The following GRIA2 variants were observed in gnomAD, a reference collection of about 807,000 sequenced individuals.
GRIA2 encodes glutamate ionotropic receptor AMPA type subunit 2.
Under a neutral mutation model 97.3 loss-of-function variants are expected in GRIA2, and 14 were observed. That is an observed-to-expected ratio of 0.14 (90% CI 0.10 to 0.23). The LOEUF is 0.23. Ranked by LOEUF, GRIA2 falls within the 10% of genes least tolerant of loss-of-function variation. The pLI is 1.00. For missense variants in GRIA2, 558 were observed against 1,069.8 expected (o/e 0.52, Z 6.67); for synonymous variants, 412 against 387.8 (o/e 1.06, Z -0.73).
chr4:157,257,781 T>A (rs1731344373), intron 2 of GRIA2, among the ~76,000 whole-genome samples: 1 of 152,126 alleles, frequency 6.6e-6, no homozygotes, highest in Non-Finnish European at 1.5e-5. Context: ...GCCTCAGTAT[T>A]ACTGATTCTT....
chr4:157,354,755 A>C (rs1386123883), intron 12 of GRIA2, among the ~76,000 whole-genome samples: 1 of 152,166 alleles, frequency 6.6e-6, no homozygotes, highest in Non-Finnish European at 1.5e-5. Context: ...TGAGAGGGGA[A>C]AAGAATGCTC....
intron 2 of GRIA2, among the ~76,000 whole-genome samples, chr4:157,295,472 G>A (rs1431062090): frequency 6.6e-6 from 1 of 152,062 alleles, no homozygotes; most frequent in Non-Finnish European, 1.5e-5. Flanking sequence ...GAATCACTTG[G>A]TGTTTCATTC....
intron 2 of GRIA2, among the ~76,000 whole-genome samples, chr4:157,244,871 C>G (rs1269532736): frequency 6.6e-6 from 1 of 151,940 alleles, no homozygotes; most frequent in African/African-American, 2.4e-5. Flanking sequence ...AGGAATGAGG[C>G]CTTCCTGTAG....
At chr4:157,321,750 C>A (rs779332881) in intron 6 of GRIA2, 151 bp downstream of exon 6, 2 of 552,510 alleles carry the variant, frequency 3.6e-6, no homozygotes, top group South Asian at 2.6e-5. Context: ...ATATTTTTCA[C>A]ATTTTTATGG....
At position 157,222,796 on chromosome 4, in the gene GRIA2, A is replaced by C. The variant is rs1729564165; in HGVS notation, c.229+989A>C. Among the ~76,000 whole-genome samples, 3 of 152,310 alleles carry C rather than the reference A, an allele frequency of 2.0e-5. No individual in the cohort carries two copies. In the South Asian group the frequency reaches 6.2e-4, roughly 32 times the overall value. ...GAAGCTCTGTGATGGGTTCAGATAAAGTACTAGAAACCAAACAATTAGGGA... is the reference window on the plus strand; with the variant it reads ...GAAGCTCTGTGATGGGTTCAGATAACGTACTAGAAACCAAACAATTAGGGA... On this transcript the variant is annotated intron_variant, in intron 2 of 15. Transcript: ENST00000264426.
chr4:157,263,242 C>T (rs998933040), intron 2 of GRIA2, among the ~76,000 whole-genome samples: 3 of 151,946 alleles, frequency 2.0e-5, no homozygotes, highest in African/African-American at 7.2e-5. Context: ...GTTTTCTTTT[C>T]TCATTCCCTG....
chr4:157,363,363 T>C, intron 15 of GRIA2, 72 bp from the exon 16 acceptor site: 1 of 1,039,986 alleles, frequency 9.6e-7, no homozygotes, highest in Non-Finnish European at 1.2e-6. Context: ...CAACCCTGCC[T>C]TTCCTCTGGA....
At chr4:157,241,337 A>G (rs1423181188) in intron 2 of GRIA2, among the ~76,000 whole-genome samples, 10 of 152,066 alleles carry the variant, frequency 6.6e-5, no homozygotes, top group Admixed American at 6.6e-4. Context: ...GGCAGCTTTC[A>G]GGATTTTATC....
intron 6 of GRIA2, among the ~76,000 whole-genome samples, chr4:157,331,473 A>G (rs1374322889): frequency 6.6e-6 from 1 of 152,028 alleles, no homozygotes; most frequent in Non-Finnish European, 1.5e-5. Flanking sequence ...TTTCTTTTTC[A>G]GAGACCTAGA....
At position 157,233,681 on chromosome 4, in the gene GRIA2, C is replaced by A. The variant is rs1730121366; in HGVS notation, c.229+11874C>A. On this transcript the variant is annotated intron_variant, in intron 2 of 15. Coordinates refer to ENST00000264426, the MANE Select transcript of GRIA2 (RefSeq NM_001083619.3). ...AAACGTTCCCAGTATTTATTTCCTC[C>A]CTTTATATCAGCCCTTTACTGATAT... Among the ~76,000 whole-genome samples the A allele has an allele frequency of 2.0e-5, 3 of 152,170 alleles. No individual in the cohort carries two copies. The South Asian group carries it at 6.2e-4, about 32-fold the overall frequency.
intron 2 of GRIA2, among the ~76,000 whole-genome samples, chr4:157,277,814 CTATATATATATGTATATATG>C (rs1431855162): frequency 2.6e-4 from 23 of 89,532 alleles, no homozygotes; most frequent in East Asian, 7.5e-4. Flanking sequence ...AATATGTATG[CTATATATATATGTATATATG>C]TATATATATA....
intron 2 of GRIA2, among the ~76,000 whole-genome samples, chr4:157,255,768 C>T (rs1346493736): frequency 6.6e-6 from 1 of 151,834 alleles, no homozygotes; most frequent in Admixed American, 6.6e-5. Flanking sequence ...GGGACTCAAA[C>T]AACTCAACAA....
intron 2 of GRIA2, among the ~76,000 whole-genome samples, chr4:157,224,647 A>G (rs1437515170): frequency 6.6e-6 from 1 of 152,144 alleles, no homozygotes; most frequent in Admixed American, 6.5e-5. Flanking sequence ...CTACAATCAC[A>G]AAGTCAAGAA....
intron 12 of GRIA2, chr4:157,342,265 G>A (rs1241138893): frequency 2.7e-5 from 27 of 982,854 alleles, no homozygotes; most frequent in African/African-American, 1.6e-4. Flanking sequence ...AGCTTATTCC[G>A]GAATTAGGAT....
chr4:157,330,786 T>C (rs973600772), intron 6 of GRIA2, among the ~76,000 whole-genome samples: 6 of 151,994 alleles, frequency 3.9e-5, no homozygotes, highest in Non-Finnish European at 8.8e-5. Flanking sequence ...ATGACGTGAT[T>C]GTGATATAGC....
intron 2 of GRIA2, among the ~76,000 whole-genome samples, chr4:157,251,057 A>G (rs1211787839): frequency 6.6e-6 from 1 of 152,070 alleles, no homozygotes; most frequent in South Asian, 2.1e-4. Context: ...TTAATTACCT[A>G]AATTGCTTGG....
At position 157,351,543 on chromosome 4, in the gene GRIA2, A is replaced by C. The variant is rs1335552436; in HGVS notation, c.2044-8353A>C. On this transcript the variant is annotated intron_variant, in intron 12 of 15. Transcript: ENST00000264426. ...TTTAAAGTCATTGTTTTTTAAGCATAAAAATTACCAAAAAGATATGATTCT... is the reference window on the plus strand; with the variant it reads ...TTTAAAGTCATTGTTTTTTAAGCATCAAAATTACCAAAAAGATATGATTCT... Among the ~76,000 whole-genome samples, 4 of 152,216 alleles carry C rather than the reference A, an allele frequency of 2.6e-5. No homozygotes were observed. In the East Asian group the frequency reaches 7.7e-4, roughly 29 times the overall value.
rs868612010 is a variant in GRIA2 at position 157,300,789 on chromosome 4, A to C, written c.230-2763A>C. On this transcript the variant is annotated intron_variant, in intron 2 of 15. Coordinates refer to ENST00000264426, the MANE Select transcript of GRIA2 (RefSeq NM_001083619.3). ...TTCTGAGTTAGGTGGATCATTCCTT[A>C]TGAAGTTGTGTGCAGCTTGTGCCTG... is the stretch of plus-strand genomic sequence containing the variant. Among the ~76,000 whole-genome samples, 5 of 152,260 alleles carry C rather than the reference A, an allele frequency of 3.3e-5. No individual in the cohort carries two copies. In the South Asian group the frequency reaches 1.0e-3, roughly 32 times the overall value.
At chr4:157,335,555 A>G (rs757530283) in intron 9 of GRIA2, 116 bp from the exon 10 acceptor site, 11 of 677,396 alleles carry the variant, frequency 1.6e-5, no homozygotes, top group East Asian at 2.7e-5. Flanking sequence ...TTCACCATCT[A>G]TATTCTTCAT....
Sources: gnomAD v4.1 joint callset for allele counts (sites outside exome capture counted in the v4.1 genomes callset) on GRCh38, gnomAD v4.1.1 for gene constraint, MANE v1.5 for transcripts, NCBI Gene and HGNC (gene_info 2026-07-23, HGNC 2026-07-21) for gene names.